The following PDE5A variants were observed in gnomAD, a reference collection of about 807,000 sequenced individuals.
PDE5A encodes phosphodiesterase 5A, also known as cGMP-specific 3',5'-cyclic phosphodiesterase.
A neutral mutation model predicts 110.2 loss-of-function variants in PDE5A; 67 were observed. That is an observed-to-expected ratio of 0.61 (90% CI 0.50 to 0.75). The LOEUF is 0.75. Ranked by LOEUF, PDE5A falls within the 30% of genes least tolerant of loss-of-function variation. PDE5A has a pLI of 0.00. For synonymous variants in PDE5A, 328 were observed against 351.2 expected (o/e 0.93, Z 0.74); for missense variants, 862 against 1,045.1 (o/e 0.82, Z 2.42).
intron 3 of PDE5A, among the ~76,000 whole-genome samples, chr4:119,587,212 G>A (rs12505618): frequency 1 from 150,924 of 150,926 alleles, 75,461 homozygotes; most frequent in Non-Finnish European, 1. Context: ...TGCAGTGAAC[G>A]ATTTGTAACT....
chr4:119,552,488 G>T, intron 9 of PDE5A, 62 bp downstream of exon 9: 1 of 578,460 alleles, frequency 1.7e-6, no homozygotes, highest in Non-Finnish European at 2.8e-6. Flanking sequence ...AAAGAAAGAA[G>T]TATAGCTGGG....
chr4:119,601,048 G>T (rs541876624), intron 2 of PDE5A, among the ~76,000 whole-genome samples: 1 of 152,166 alleles, frequency 6.6e-6, no homozygotes, highest in African/African-American at 2.4e-5. Flanking sequence ...TTTGTTCCCA[G>T]TTCCTGACAC....
intron 3 of PDE5A, among the ~76,000 whole-genome samples, chr4:119,583,992 T>C (rs892707938): frequency 6.6e-6 from 1 of 152,120 alleles, no homozygotes; most frequent in South Asian, 2.1e-4. Context: ...ATTCTGGACA[T>C]AGAGGAGAGA....
chr4:119,550,192 C>G (rs937768075), intron 9 of PDE5A: 1 of 152,178 alleles, frequency 6.6e-6, no homozygotes, highest in Non-Finnish European at 1.5e-5. Flanking sequence ...AACCTCCCTT[C>G]ACCCCACACA....
chr4:119,599,053 A>G (rs1253185850), intron 2 of PDE5A, among the ~76,000 whole-genome samples: 1 of 152,162 alleles, frequency 6.6e-6, no homozygotes, highest in Non-Finnish European at 1.5e-5. Flanking sequence ...GCAGGCATTG[A>G]GGCAGGAAAA....
chr4:119,615,194 C>CAACTT (rs1452364412), intron 1 of PDE5A, among the ~76,000 whole-genome samples: 1 of 152,166 alleles, frequency 6.6e-6, no homozygotes, highest in Non-Finnish European at 1.5e-5. Flanking sequence ...TTGGGTCTGT[C>CAACTT]AACTTAACTT....
chr4:119,519,256 T>C lies in PDE5A; in HGVS notation c.1906-117A>G, dbSNP rs10010096. ...CCTCAGTGCTTTACATACATACTTCTCTATAGTCACAAAGGACTAACCCTA... is the reference window on the plus strand; with the variant it reads ...CCTCAGTGCTTTACATACATACTTCCCTATAGTCACAAAGGACTAACCCTA... On this transcript the variant is annotated intron_variant, in intron 13 of 20. Transcript: ENST00000354960. The C allele has an allele frequency of 4.8e-3, 3,440 of 709,906 alleles. 79 individuals are homozygous for C. The African/African-American group carries it at 0.052, about 11-fold the overall frequency. 44.0% of individuals were successfully genotyped at this position (709,906 alleles called of 1,614,324 possible). A position where few individuals can be genotyped will look rare whatever the true frequency, so the allele number is the denominator to read the frequency against.
At chr4:119,579,030 A>G (rs1237074672) in intron 3 of PDE5A, among the ~76,000 whole-genome samples, 3 of 152,132 alleles carry the variant, frequency 2.0e-5, no homozygotes, top group Non-Finnish European at 2.9e-5. Flanking sequence ...TGGGTGAAGG[A>G]TATGAACAGA....
intron 3 of PDE5A, among the ~76,000 whole-genome samples, chr4:119,590,011 G>C (rs909703648): frequency 2.6e-5 from 4 of 152,144 alleles, no homozygotes; most frequent in Admixed American, 6.6e-5. Flanking sequence ...GAGGGAAGCA[G>C]AGTGCAGCCA....
At chr4:119,617,691 G>A (rs946339657) in intron 1 of PDE5A, among the ~76,000 whole-genome samples, 13 of 152,172 alleles carry the variant, frequency 8.5e-5, no homozygotes, top group East Asian at 7.7e-4. Flanking sequence ...AAACCTACTC[G>A]TAGAGCAACT....
Position 119,511,100 on chromosome 4 carries a change from A to G in PDE5A, c.2035T>C (p.Ser679Pro). The change falls in exon 15 of 21, where the codon TCA becomes CCA. Residue 679 changes from serine to proline, a missense_variant. By Grantham distance (74) the Ser-to-Pro change is moderately conservative. Coordinates refer to ENST00000354960, the MANE Select transcript of PDE5A (RefSeq NM_001083.4). ...TCAAAATGATGGTGTTCCATGATTG[A>G]ATGGCAGTAAAGCTGGGCAAGTGGA... ...EHPLAQLYCH[S>P]IMEHHHFDQC... The G allele has an allele frequency of 6.2e-7, 1 of 1,610,860 alleles. No homozygotes were observed. The highest frequency in any genetic ancestry group is 8.5e-7 in the Non-Finnish European group (1 of 1,177,522).
intron 1 of PDE5A, among the ~76,000 whole-genome samples, chr4:119,618,422 T>G (rs1243520042): frequency 6.6e-6 from 1 of 152,144 alleles, no homozygotes; most frequent in Non-Finnish European, 1.5e-5. Context: ...CAGAGGTATT[T>G]CATATTAAAA....
chr4:119,589,133 GGAATTCAGAGAAATTTCAGAGAATTCAGA>G (rs1292123821), intron 3 of PDE5A, among the ~76,000 whole-genome samples: 3 of 152,028 alleles, frequency 2.0e-5, no homozygotes, highest in Non-Finnish European at 2.9e-5. Context: ...AAATTCTTGA[GGAATTCAGAGAAATTTCAGAGAATTCAGA>G]GAATTCAGAG....
chr4:119,584,944 G>A (rs1428043757), intron 3 of PDE5A, among the ~76,000 whole-genome samples: 3 of 152,184 alleles, frequency 2.0e-5, no homozygotes, highest in Non-Finnish European at 4.4e-5. Context: ...TGCAAACAGA[G>A]ATCTTATGTA....
chr4:119,593,968 C>G (rs557350349), intron 3 of PDE5A, among the ~76,000 whole-genome samples: 1 of 152,212 alleles, frequency 6.6e-6, no homozygotes, highest in South Asian at 2.1e-4. Flanking sequence ...GACTCACTCA[C>G]TATCACGAAC....
chr4:119,587,935 C>T (rs1728822397), intron 3 of PDE5A, among the ~76,000 whole-genome samples: 1 of 152,200 alleles, frequency 6.6e-6, no homozygotes. Context: ...TTGGCCTCCA[C>T]ACTCCATGGA....
At chr4:119,554,472 A>G (rs1205871418) in intron 7 of PDE5A, among the ~76,000 whole-genome samples, 6 of 152,198 alleles carry the variant, frequency 3.9e-5, no homozygotes, top group African/African-American at 1.4e-4. Context: ...TGTCAGTGCA[A>G]GGGATGGAAA....
intron 11 of PDE5A, among the ~76,000 whole-genome samples, chr4:119,537,580 C>T (rs749736772): frequency 9.9e-5 from 15 of 152,086 alleles, no homozygotes; most frequent in Non-Finnish European, 1.5e-4. Flanking sequence ...GCTATATTCA[C>T]AGGAGTTCTG....
At chr4:119,602,635 C>A (rs576693519) in intron 2 of PDE5A, among the ~76,000 whole-genome samples, 1 of 152,252 alleles carries the variant, frequency 6.6e-6, no homozygotes, top group Non-Finnish European at 1.5e-5. Context: ...TTTTCTTTTT[C>A]TTCTAAAATT....
Sources: allele counts gnomAD v4.1 joint callset (sites outside exome capture counted in the v4.1 genomes callset), GRCh38; gene constraint gnomAD v4.1.1; transcripts MANE v1.5; gene names NCBI Gene and HGNC (gene_info 2026-07-23, HGNC 2026-07-21).